PALM2AKAP2: variants seen among roughly 807,000 people sequenced by gnomAD.
PALM2AKAP2 encodes the protein PALM2 and AKAP2 fusion.
Under a neutral mutation model 71.5 loss-of-function variants are expected in PALM2AKAP2, and 37 were observed. That is an observed-to-expected ratio of 0.52 (90% CI 0.40 to 0.68). The LOEUF (loss-of-function observed/expected upper bound fraction) is 0.68. Ranked by LOEUF, PALM2AKAP2 falls within the 30% of genes least tolerant of loss-of-function variation. The probability of loss-of-function intolerance (pLI) is 0.00; values close to 1 mark genes in which losing one functional copy is unlikely to be tolerated. For synonymous variants in PALM2AKAP2, 468 were observed against 478.8 expected (o/e 0.98, Z 0.29); for missense variants, 1,224 against 1,191.8 (o/e 1.03, Z -0.40).
chr9:110,127,770 T>A (rs1835644538), intron 1 of PALM2AKAP2: 1 of 152,228 alleles, frequency 6.6e-6, no homozygotes, highest in Non-Finnish European at 1.5e-5. Context: ...TTTCTTCAAT[T>A]CTTTTTGCCC....
chr9:110,056,509 A>T (rs1304834144), intron 1 of PALM2AKAP2, among the ~76,000 whole-genome samples: 1 of 152,244 alleles, frequency 6.6e-6, no homozygotes, highest in Non-Finnish European at 1.5e-5. Context: ...GTGAATTAAA[A>T]TCAAGGTGGA....
At position 109,671,360 on chromosome 9, in the gene PALM2AKAP2, A is replaced by G. The variant is rs955870240; in HGVS notation, c.5+30494A>G. Among the ~76,000 whole-genome samples, 2 of 152,026 alleles carry G rather than the reference A, an allele frequency of 1.3e-5. 1 individual carries two copies. Among genetic ancestry groups the G allele is most frequent in the South Asian group, 4.2e-4 (2 of 4,812 alleles). ...TCCTAGCACCATTTATTGAATAGAG[A>G]TTTCTTTCCTTATTGCTTGTTTTGT... On this transcript the variant is annotated intron_variant, in intron 1 of 6. Transcript: ENST00000374531.
At chr9:110,074,849 A>G (rs1237221495) in intron 1 of PALM2AKAP2, among the ~76,000 whole-genome samples, 1 of 151,928 alleles carries the variant, frequency 6.6e-6, no homozygotes, top group Non-Finnish European at 1.5e-5. Context: ...CTAGAAATAC[A>G]AAAACTAGCT....
chr9:110,168,732 C>T (rs1039993166), exon 4 of PALM2AKAP2: 1 of 473,678 alleles, frequency 2.1e-6, no homozygotes, highest in Non-Finnish European at 3.7e-6. Flanking sequence ...TGACTCAATC[C>T]CAGTGTCTGG....
intron 1 of PALM2AKAP2, among the ~76,000 whole-genome samples, chr9:109,745,694 A>G (rs770464489): frequency 2.6e-5 from 4 of 152,222 alleles, no homozygotes; most frequent in Non-Finnish European, 4.4e-5. Flanking sequence ...GTGGCAGACA[A>G]TAACGACGTC....
chr9:110,016,026 A>G (rs748965649), exon 7 of PALM2AKAP2: 14 of 1,613,802 alleles, frequency 8.7e-6, no homozygotes, highest in Non-Finnish European at 1.0e-5. Context: ...TCCGGCCCAG[A>G]CATGACTATC....
chr9:109,673,688 C>T (rs965292345), intron 1 of PALM2AKAP2, among the ~76,000 whole-genome samples: 1 of 152,014 alleles, frequency 6.6e-6, no homozygotes, highest in Non-Finnish European at 1.5e-5. Flanking sequence ...CTAATATTGT[C>T]AGTGGGGTGT....
intron 3 of PALM2AKAP2, among the ~76,000 whole-genome samples, chr9:109,920,192 A>G (rs1385351219): frequency 6.6e-6 from 1 of 152,166 alleles, no homozygotes; most frequent in East Asian, 1.9e-4. Context: ...CTCACATCCT[A>G]TTGGCTAAAG....
chr9:110,043,285 T>C (rs1419186056), intron 7 of PALM2AKAP2, among the ~76,000 whole-genome samples: 1 of 152,218 alleles, frequency 6.6e-6, no homozygotes, highest in Non-Finnish European at 1.5e-5. Flanking sequence ...CAAACAACTT[T>C]AAAAGTGTAT....
chr9:109,839,433 T>C (rs1441077489), intron 1 of PALM2AKAP2, among the ~76,000 whole-genome samples: 4 of 152,220 alleles, frequency 2.6e-5, no homozygotes, highest in African/African-American at 9.6e-5. Context: ...AATATCATAC[T>C]GAATGGGCAA....
chr9:109,682,434 A>G (rs1160831295), intron 1 of PALM2AKAP2, among the ~76,000 whole-genome samples: 1 of 152,154 alleles, frequency 6.6e-6, no homozygotes, highest in Admixed American at 6.6e-5. Flanking sequence ...TTATGTACAT[A>G]TTTGGGTTTT....
intron 1 of PALM2AKAP2, among the ~76,000 whole-genome samples, chr9:110,103,332 C>T (rs1163893542): frequency 6.6e-6 from 1 of 152,172 alleles, no homozygotes; most frequent in Non-Finnish European, 1.5e-5. Flanking sequence ...ATGAATAAAG[C>T]CAAGCCAAGC....
At chr9:109,780,261 C>T, upstream of PALM2AKAP2, 1 of 1,168,970 alleles carries the variant, frequency 8.6e-7, no homozygotes, top group Non-Finnish European at 1.1e-6. Context: ...TGAGCGGCGG[C>T]GCTGGGGCGC....
At chr9:109,779,995 C>T (rs570842500), upstream of PALM2AKAP2, among the ~76,000 whole-genome samples, 1 of 151,846 alleles carries the variant, frequency 6.6e-6, no homozygotes, top group East Asian at 1.9e-4. Context: ...TGCGCCCCAG[C>T]GGCTCGCCGT....
chr9:110,096,984 T>C lies in PALM2AKAP2; in HGVS notation c.157-39143T>C, dbSNP rs1261177047. Among the ~76,000 whole-genome samples the C allele has an allele frequency of 5.3e-5, 8 of 150,564 alleles. No homozygotes were observed. The East Asian group carries it at 1.5e-3, about 29-fold the overall frequency. On this transcript the variant is annotated intron_variant, in intron 1 of 3. Coordinates refer to ENST00000374525, the Ensembl canonical transcript of PALM2AKAP2. ...TATTATTTTTTTTATTGATCATTCT[T>C]GGGTGTTTCTCGCAGAGGGGGATTT...
At chr9:109,729,290 G>A (rs903584570) in intron 1 of PALM2AKAP2, among the ~76,000 whole-genome samples, 2 of 152,146 alleles carry the variant, frequency 1.3e-5, no homozygotes, top group African/African-American at 4.8e-5. Context: ...GTGTCCTAAA[G>A]TGGGTGCTGG....
chr9:109,870,310 T>C (rs1285161649), intron 2 of PALM2AKAP2, among the ~76,000 whole-genome samples: 2 of 152,230 alleles, frequency 1.3e-5, no homozygotes, highest in African/African-American at 4.8e-5. Context: ...AATAAACTGG[T>C]GACTGAACTT....
At chr9:110,010,730 T>TG (rs965097732) in intron 6 of PALM2AKAP2, among the ~76,000 whole-genome samples, 2 of 148,800 alleles carry the variant, frequency 1.3e-5, no homozygotes, top group African/African-American at 4.9e-5. Context: ...CTGGGTACGG[T>TG]GGCTCACGCT....
intron 7 of PALM2AKAP2, among the ~76,000 whole-genome samples, chr9:110,039,255 T>G (rs1179915309): frequency 6.6e-6 from 1 of 152,166 alleles, no homozygotes; most frequent in East Asian, 1.9e-4. Flanking sequence ...TCTCAATAAA[T>G]AAATAATTTT....
Sources: gnomAD v4.1 joint callset for allele counts (sites outside exome capture counted in the v4.1 genomes callset) on GRCh38, gnomAD v4.1.1 for gene constraint, MANE v1.5 for transcripts, NCBI Gene and HGNC (gene_info 2026-07-23, HGNC 2026-07-21) for gene names.